Variants in CTIF observed in about 807,000 individuals in gnomAD.
CTIF encodes CBP80/20-dependent translation initiation factor.
CTIF carries 21 observed loss-of-function variants against 66.0 expected under a neutral mutation model. The ratio of observed to expected loss-of-function variants is 0.32; its 90% CI spans 0.23 to 0.46. The LOEUF (loss-of-function observed/expected upper bound fraction) is 0.46. CTIF is among the 20% of genes least tolerant of loss of function. CTIF has a pLI of 1.00. For synonymous variants in CTIF, 345 were observed against 326.4 expected, an observed-to-expected ratio of 1.06 and a Z score of -0.62; for missense variants, 739 against 812.7, an observed-to-expected ratio of 0.91 and a Z score of 1.10.
intron 10 of CTIF, among the ~76,000 whole-genome samples, chr18:48,824,005 CACACACACAA>C (rs1204420145): frequency 6.8e-6 from 1 of 147,240 alleles, no homozygotes. Flanking sequence ...CACACACACA[CACACACACAA>C]ACTGCTAGAA....
At chr18:48,849,684 C>A (rs567572720) in intron 10 of CTIF, among the ~76,000 whole-genome samples, 2 of 147,640 alleles carry the variant, frequency 1.4e-5, no homozygotes, top group East Asian at 4.0e-4. Flanking sequence ...CTCCTGGGTT[C>A]AAGCAATTCT....
rs1399449501 is a variant in CTIF at position 48,758,408 on chromosome 18, A to G, written c.1071+3A>G. 1 of 1,567,218 alleles carries G rather than the reference A, an allele frequency of 6.4e-7. No individual in the cohort carries two copies. Among genetic ancestry groups the G allele is most frequent in the South Asian group, 1.2e-5 (1 of 84,474 alleles). On this transcript the variant is annotated splice_donor_region_variant and intron_variant, in intron 8 of 11. Coordinates refer to ENST00000256413, the MANE Select transcript of CTIF (RefSeq NM_014772.3). ...TGCGGCGAAGGCTAAAGGAAAAGGT[A>G]CCGGTAATTGAATTTTTGTTCTTCT...
intron 1 of CTIF, among the ~76,000 whole-genome samples, chr18:48,593,362 T>G (rs1414187295): frequency 6.6e-6 from 1 of 152,068 alleles, no homozygotes; most frequent in African/African-American, 2.4e-5. Context: ...ATTAATAATA[T>G]GTAACTAGAA....
intron 3 of CTIF, among the ~76,000 whole-genome samples, chr18:48,645,948 G>T (rs1410943030): frequency 6.6e-6 from 1 of 152,196 alleles, no homozygotes; most frequent in East Asian, 1.9e-4. Context: ...AAAGCAGGAG[G>T]TTTAAATATG....
At chr18:48,736,927 C>A (rs1426323958) in intron 7 of CTIF, among the ~76,000 whole-genome samples, 1 of 152,134 alleles carries the variant, frequency 6.6e-6, no homozygotes, top group African/African-American at 2.4e-5. Flanking sequence ...TTCACACAGC[C>A]GTGAACTCCC....
At chr18:48,541,895 A>G (rs2088629676) in intron 1 of CTIF, among the ~76,000 whole-genome samples, 1 of 149,412 alleles carries the variant, frequency 6.7e-6, no homozygotes, top group South Asian at 2.1e-4. Flanking sequence ...GAGGTAGGAG[A>G]GTATTAGCCC....
intron 1 of CTIF, among the ~76,000 whole-genome samples, chr18:48,554,793 GGCCTCCTGCAGGCATCT>G (rs1246792951): frequency 6.6e-6 from 1 of 152,262 alleles, no homozygotes; most frequent in Non-Finnish European, 1.5e-5. Flanking sequence ...AGAGAGGCTT[GGCCTCCTGCAGGCATCT>G]GCCTTGTAGC....
chr18:48,751,693 T>G (rs1420879087), intron 7 of CTIF, among the ~76,000 whole-genome samples: 2 of 152,162 alleles, frequency 1.3e-5, no homozygotes, highest in Non-Finnish European at 2.9e-5. Context: ...TGGGGAAGGC[T>G]CCTGCTCAGG....
chr18:48,628,091 T>C (rs890028040), intron 2 of CTIF, among the ~76,000 whole-genome samples: 3 of 152,220 alleles, frequency 2.0e-5, no homozygotes, highest in Non-Finnish European at 4.4e-5. Context: ...TGGAAAGTGC[T>C]GACACTGTGA....
chr18:48,629,415 A>G (rs2090662299), intron 2 of CTIF, among the ~76,000 whole-genome samples: 1 of 152,172 alleles, frequency 6.6e-6, no homozygotes, highest in African/African-American at 2.4e-5. Context: ...CTCTAAATAT[A>G]TCTTATGATA....
intron 7 of CTIF, among the ~76,000 whole-genome samples, chr18:48,728,519 C>T (rs1049631950): frequency 6.6e-6 from 1 of 152,208 alleles, no homozygotes; most frequent in Admixed American, 6.5e-5. Flanking sequence ...CTCAGGGTCT[C>T]TCGTGAGATT....
In CTIF at chr18:48,681,237, G is replaced by A. The variant is rs1223461997; in HGVS notation, c.507+10493G>A. On this transcript the variant is annotated intron_variant, in intron 6 of 11. Coordinates refer to ENST00000256413, the MANE Select transcript of CTIF (RefSeq NM_014772.3). ...CCCTCTGTTCTATACAGCCAGGGGG[G>A]CTGGGGGGTCAGGCCCAGGAGAGAT... is the stretch of plus-strand genomic sequence containing the variant. 3.3e-5 allele frequency among the ~76,000 whole-genome samples: 5 copies of A among 152,352 alleles called. No homozygotes were observed. In the East Asian group the frequency reaches 5.8e-4, roughly 18 times the overall value.
At chr18:48,542,157 G>A (rs2088636843) in intron 1 of CTIF, among the ~76,000 whole-genome samples, 1 of 152,220 alleles carries the variant, frequency 6.6e-6, no homozygotes, top group African/African-American at 2.4e-5. Context: ...AGCCACTAAA[G>A]AACGGAAGTC....
At chr18:48,776,452 T>G (rs532388364) in intron 9 of CTIF, among the ~76,000 whole-genome samples, 2 of 152,342 alleles carry the variant, frequency 1.3e-5, no homozygotes, top group South Asian at 4.1e-4. Flanking sequence ...ACAGCAACAC[T>G]TGCTGCTTTC....
chr18:48,642,339 T>G (rs1237575116), intron 3 of CTIF, among the ~76,000 whole-genome samples: 1 of 151,872 alleles, frequency 6.6e-6, no homozygotes, highest in East Asian at 1.9e-4. Context: ...GGTAGGGAGG[T>G]GTCTTGCAGG....
At chr18:48,791,669 C>T (rs887712850) in intron 9 of CTIF, among the ~76,000 whole-genome samples, 8 of 152,212 alleles carry the variant, frequency 5.3e-5, no homozygotes, top group East Asian at 3.8e-4. Flanking sequence ...CAGCCTGCCC[C>T]GTCTCAACCG....
intron 9 of CTIF, among the ~76,000 whole-genome samples, chr18:48,764,955 G>A (rs1300995411): frequency 6.6e-6 from 1 of 152,210 alleles, no homozygotes; most frequent in African/African-American, 2.4e-5. Context: ...CTGACTCCAA[G>A]GCCCAGAGGA....
chr18:48,549,726 C>G (rs907142710), intron 1 of CTIF, among the ~76,000 whole-genome samples: 2 of 152,170 alleles, frequency 1.3e-5, no homozygotes, highest in African/African-American at 4.8e-5. Context: ...TCTATCAAGG[C>G]TCCTTGAAGA....
At chr18:48,739,907 C>G (rs980901643) in intron 7 of CTIF, among the ~76,000 whole-genome samples, 2 of 152,232 alleles carry the variant, frequency 1.3e-5, no homozygotes, top group African/African-American at 4.8e-5. Context: ...TGCAGTGGCC[C>G]AGGTGACCTT....
Sources: gnomAD v4.1 joint callset for allele counts (sites outside exome capture counted in the v4.1 genomes callset) on GRCh38, gnomAD v4.1.1 for gene constraint, MANE v1.5 for transcripts, NCBI Gene and HGNC (gene_info 2026-07-23, HGNC 2026-07-21) for gene names.